MORN1: variants seen among roughly 807,000 people sequenced by gnomAD.
MORN1 encodes MORN repeat-containing protein 1.
A neutral mutation model predicts 61.9 loss-of-function variants in MORN1; 67 were observed. The ratio of observed to expected loss-of-function variants is 1.08; its 90% CI spans 0.89 to 1.33. MORN1 has a LOEUF of 1.33. Among genes scored for constraint, MORN1 ranks in the 40% most tolerant of loss-of-function variants. The pLI is 0.00. For synonymous variants in MORN1, 301 were observed against 292.0 expected, an observed-to-expected ratio of 1.03 and a Z score of -0.31; for missense variants, 752 against 691.2, an observed-to-expected ratio of 1.09 and a Z score of -0.99.
At chr1:2,340,425 C>T (rs2843141) in intron 10 of MORN1, among the ~76,000 whole-genome samples, 94,675 of 151,914 alleles carry the variant, frequency 0.62, 30,490 homozygotes, top group East Asian at 0.8. Flanking sequence ...CTGCCCCTGG[C>T]CACTGACTCC....
At chr1:2,331,062 C>T (rs942701402) in intron 12 of MORN1, among the ~76,000 whole-genome samples, 78 of 152,166 alleles carry the variant, frequency 5.1e-4, no homozygotes, top group African/African-American at 1.1e-3. Flanking sequence ...CAGCAGGCGG[C>T]GGGCACGTGC....
At chr1:2,361,728 TG>T (rs1189227220) in intron 8 of MORN1, among the ~76,000 whole-genome samples, 2 of 152,154 alleles carry the variant, frequency 1.3e-5, no homozygotes, top group Non-Finnish European at 2.9e-5. Context: ...TTGGCCAACG[TG>T]GGGATGAGGG....
chr1:2,321,699 T>C, intron 13 of MORN1, 120 bp from the exon 14 acceptor site: 1 of 1,290,116 alleles, frequency 7.8e-7, no homozygotes, highest in Non-Finnish European at 1.0e-6. Context: ...CCTGGTCATC[T>C]CTGCCTGGGT....
At chr1:2,331,956 G>A (rs1396182432) in intron 12 of MORN1, among the ~76,000 whole-genome samples, 1 of 93,794 alleles carries the variant, frequency 1.1e-5, no homozygotes, top group Non-Finnish European at 1.9e-5. Context: ...CCGCCCCTGC[G>A]CCTCTCCCTC....
chr1:2,389,974 T>G lies in MORN1; in HGVS notation c.99A>C (p.Pro33=), dbSNP rs199803595. The change falls in exon 2 of 14, where the codon CCA becomes CCC. Residue 33 remains proline (P), a synonymous_variant. Coordinates refer to ENST00000378531, the MANE Select transcript of MORN1 (RefSeq NM_024848.3). ...PRNGYGVYVY[P]NSFFRYEGEW... Reference sequence around the variant, plus strand: ...CTCCTTCATATCGAAAGAAGGAATTTGGGTATACGTAGACACCATAACCTG... The same window carrying G: ...CTCCTTCATATCGAAAGAAGGAATTGGGGTATACGTAGACACCATAACCTG... 6.2e-7 allele frequency: 1 copy of G among 1,614,060 alleles called. No homozygotes were observed. Among genetic ancestry groups the G allele is most frequent in the East Asian group, 2.2e-5 (1 of 44,884 alleles).
At chr1:2,356,825 G>A (rs1259587195) in intron 10 of MORN1, among the ~76,000 whole-genome samples, 1 of 152,228 alleles carries the variant, frequency 6.6e-6, no homozygotes, top group African/African-American at 2.4e-5. Context: ...TCAACTCCAT[G>A]AGTAACTCTG....
intron 12 of MORN1, among the ~76,000 whole-genome samples, chr1:2,330,302 C>T (rs1278203125): frequency 6.6e-6 from 1 of 152,210 alleles, no homozygotes; most frequent in Non-Finnish European, 1.5e-5. Flanking sequence ...GCCAGGCTCT[C>T]GCCCCATGTG....
intron 6 of MORN1, chr1:2,374,820 T>C: frequency 5.1e-6 from 2 of 388,706 alleles, no homozygotes; most frequent in Non-Finnish European, 4.6e-6. Context: ...CGGCACAGTA[T>C]ATAAAATGCA....
Position 2,336,498 on chromosome 1 carries a change from G to A in MORN1, c.1221C>T (p.Pro407=), listed in dbSNP as rs758851455. Residue 407 remains proline (P), a synonymous_variant, in exon 12 of 14, where the codon CCC becomes CCT. Transcript: ENST00000378531. ...TGCCTCCAGGAGGCTCCTGTGCCGTGGGTGGTGTCCCCCTGGGGTGCAGGC... is the reference window on the plus strand; with the variant it reads ...TGCCTCCAGGAGGCTCCTGTGCCGTAGGTGGTGTCCCCCTGGGGTGCAGGC... ...RGGLHPRGTP[P]TAQEPPGGSR... The A allele has an allele frequency of 3.7e-6, 6 of 1,612,498 alleles. No individual in the cohort carries two copies. Among genetic ancestry groups the A allele is most frequent in the African/African-American group, 1.3e-5 (1 of 74,918 alleles).
intron 10 of MORN1, among the ~76,000 whole-genome samples, chr1:2,342,344 G>A (rs1408906831): frequency 6.6e-6 from 1 of 152,270 alleles, no homozygotes; most frequent in Non-Finnish European, 1.5e-5. Flanking sequence ...AATAGCCGCG[G>A]CAGGCGCAGG....
At chr1:2,350,544 T>C (rs1164004540) in intron 10 of MORN1, 2 of 152,152 alleles carry the variant, frequency 1.3e-5, no homozygotes, top group Non-Finnish European at 2.9e-5. Flanking sequence ...GGGGGTTGAG[T>C]GTGAGCTCCT....
intron 5 of MORN1, 145 bp downstream of exon 5, chr1:2,385,661 TG>T (rs975070504): frequency 7.1e-5 from 45 of 638,000 alleles, no homozygotes; most frequent in East Asian, 6.1e-4. Flanking sequence ...AACTTGGCAC[TG>T]GGGGGGTGGC....
At chr1:2,325,110 T>TTCCCTTCCCTCCC (rs1640978294) in intron 12 of MORN1, among the ~76,000 whole-genome samples, 1 of 45,930 alleles carries the variant, frequency 2.2e-5, no homozygotes, top group Non-Finnish European at 4.0e-5. Flanking sequence ...TCCCCTTTCC[T>TTCCCTTCCCTCCC]TCCCTTCCTT....
chr1:2,341,026 G>A (rs1325552758), intron 10 of MORN1, among the ~76,000 whole-genome samples: 2 of 152,238 alleles, frequency 1.3e-5, no homozygotes, highest in South Asian at 2.1e-4. Context: ...TCTCCACCCG[G>A]CCCCTCTGGC....
intron 5 of MORN1, 29 bp from the exon 6 acceptor site, chr1:2,385,094 T>C (rs1363132571): frequency 6.4e-7 from 1 of 1,563,692 alleles, no homozygotes; most frequent in Admixed American, 1.9e-5. Flanking sequence ...GAGTCCACTC[T>C]CAACAGGGGG....
chr1:2,384,517 C>A (rs1642443174), intron 6 of MORN1, among the ~76,000 whole-genome samples: 1 of 152,232 alleles, frequency 6.6e-6, no homozygotes, highest in Admixed American at 6.5e-5. Context: ...AAATTTGCAT[C>A]CGTAAAGGAA....
intron 6 of MORN1, chr1:2,378,851 G>A (rs1306414134): frequency 4.5e-6 from 2 of 445,820 alleles, no homozygotes; most frequent in African/African-American, 4.0e-5. Flanking sequence ...GTCACAGGCT[G>A]GTGGGGGTGC....
intron 6 of MORN1, among the ~76,000 whole-genome samples, chr1:2,380,506 C>T (rs776436699): frequency 6.6e-6 from 1 of 152,160 alleles, no homozygotes; most frequent in Non-Finnish European, 1.5e-5. Flanking sequence ...CTAAGTTTTA[C>T]GTTACATGGA....
intron 6 of MORN1, chr1:2,379,049 G>C (rs940515138): frequency 3.2e-5 from 15 of 470,968 alleles, no homozygotes; most frequent in African/African-American, 2.6e-4. Context: ...GTTCTTCATA[G>C]AGCTTTGCAT....
Sources: allele counts gnomAD v4.1 joint callset (sites outside exome capture counted in the v4.1 genomes callset), GRCh38; gene constraint gnomAD v4.1.1; transcripts MANE v1.5; gene names NCBI Gene and HGNC (gene_info 2026-07-23, HGNC 2026-07-21).